OLFML2B: variants seen among roughly 807,000 people sequenced by gnomAD.
OLFML2B encodes olfactomedin like 2B.
OLFML2B carries 57 observed loss-of-function variants against 74.9 expected under a neutral mutation model. The ratio of observed to expected loss-of-function variants is 0.76; its 90% confidence interval spans 0.61 to 0.95. OLFML2B has a LOEUF of 0.95. Among genes scored for constraint, OLFML2B ranks in the 40% least tolerant of loss-of-function variants. The probability of loss-of-function intolerance (pLI) is 0.00; values close to 1 mark genes in which losing one functional copy is unlikely to be tolerated. For missense variants in OLFML2B, 986 were observed against 970.6 expected, an observed-to-expected ratio of 1.02 and a Z score of -0.21; for synonymous variants, 388 against 405.8, an observed-to-expected ratio of 0.96 and a Z score of 0.53.
intron 4 of OLFML2B, among the ~76,000 whole-genome samples, 194 bp from the exon 5 acceptor site, chr1:162,000,532 CA>C (rs1342878286): frequency 3.3e-5 from 5 of 152,180 alleles, no homozygotes; most frequent in Admixed American, 1.3e-4. Context: ...TGAGGTAGGA[CA>C]TATTTTTATC....
chr1:162,003,181 C>CGCCT (rs756981371), intron 4 of OLFML2B, among the ~76,000 whole-genome samples: 28 of 152,276 alleles, frequency 1.8e-4, no homozygotes, highest in South Asian at 4.1e-4. Flanking sequence ...TCCAAAAACT[C>CGCCT]GCCTGCCTGC....
In OLFML2B at chr1:161,983,556, T is replaced by C. The variant is rs1689484940; in HGVS notation, c.*119A>G. ...AATTGTCATTTTACATTTGCAATATTATACAAAATAATATATATTTTTAAA... is the reference window on the plus strand; with the variant it reads ...AATTGTCATTTTACATTTGCAATATCATACAAAATAATATATATTTTTAAA... On this transcript the variant is annotated 3_prime_UTR_variant, in exon 8 of 8. Coordinates refer to ENST00000294794, the MANE Select transcript of OLFML2B (RefSeq NM_015441.3). The C allele has an allele frequency of 8.9e-7, 1 of 1,119,128 alleles. No individual in the cohort carries two copies. The highest frequency in any genetic ancestry group is 1.2e-6 in the Non-Finnish European group (1 of 800,534). The allele number at this position is 1,119,128 out of a possible 1,614,324, so 69.3% of individuals were successfully genotyped here. A position where few individuals can be genotyped will look rare whatever the true frequency, so the allele number is the denominator to read the frequency against.
At chr1:162,020,838 A>G (rs1690683003) in intron 1 of OLFML2B, among the ~76,000 whole-genome samples, 1 of 152,206 alleles carries the variant, frequency 6.6e-6, no homozygotes, top group African/African-American at 2.4e-5. Flanking sequence ...AAGTGTAAAA[A>G]GGAAAAGAAG....
At chr1:161,997,798 G>A in intron 6 of OLFML2B, 27 bp downstream of exon 6, 1 of 1,586,646 alleles carries the variant, frequency 6.3e-7, no homozygotes, top group Non-Finnish European at 8.6e-7. Flanking sequence ...CTGATCAGGA[G>A]ACCAAGGCCA....
In OLFML2B at chr1:161,995,022, T is replaced by C. The variant is rs1689852893; in HGVS notation, c.1474+2803A>G. ...TCTATTTCAGCCAAAAGCTTTTTAA[T>C]TTTACTGATGACTGGGAGATGTCAT... On this transcript the variant is annotated intron_variant, in intron 6 of 7. Transcript: ENST00000294794. Among the ~76,000 whole-genome samples the C allele has an allele frequency of 2.6e-5, 4 of 152,198 alleles. No homozygotes were observed. The South Asian group carries it at 8.3e-4, about 32-fold the overall frequency.
intron 4 of OLFML2B, among the ~76,000 whole-genome samples, chr1:162,002,210 G>C (rs1690098997): frequency 6.6e-6 from 1 of 152,278 alleles, no homozygotes; most frequent in Non-Finnish European, 1.5e-5. Flanking sequence ...TCAGAGAAGT[G>C]TGGGAGCCTG....
intron 2 of OLFML2B, among the ~76,000 whole-genome samples, chr1:162,019,017 T>C (rs370964117): frequency 3.9e-5 from 6 of 152,214 alleles, no homozygotes; most frequent in Non-Finnish European, 5.9e-5. Flanking sequence ...AGTTGTTCCA[T>C]GGCAGAGCTG....
At chr1:161,986,588 A>G (rs1271615710) in intron 6 of OLFML2B, among the ~76,000 whole-genome samples, 1 of 152,324 alleles carries the variant, frequency 6.6e-6, no homozygotes, top group Non-Finnish European at 1.5e-5. Context: ...CTCCCTGCCA[A>G]TGCCTCATTC....
At chr1:161,991,036 G>A (rs1689727614) in intron 6 of OLFML2B, among the ~76,000 whole-genome samples, 2 of 152,174 alleles carry the variant, frequency 1.3e-5, no homozygotes, top group African/African-American at 4.8e-5. Context: ...ACTTCTAATT[G>A]TAGTTTTCTT....
chr1:162,015,481 A>G (rs1690503714), intron 3 of OLFML2B, among the ~76,000 whole-genome samples: 1 of 152,200 alleles, frequency 6.6e-6, no homozygotes, highest in South Asian at 2.1e-4. Context: ...CAGAATGGCA[A>G]CTGTTTGGCT....
At chr1:162,019,861 A>C in intron 2 of OLFML2B, 58 bp downstream of exon 2, 1 of 1,584,526 alleles carries the variant, frequency 6.3e-7, no homozygotes, top group Non-Finnish European at 8.6e-7. Flanking sequence ...GCCTTACCAG[A>C]CTTGTGGATC....
rs770982210 is a variant in OLFML2B, at chr1:161,984,787, G to A, written c.1651+17C>T. The A allele has an allele frequency of 1.9e-6, 3 of 1,611,438 alleles. No homozygotes were observed. Among genetic ancestry groups the A allele is most frequent in the Non-Finnish European group, 1.7e-6 (2 of 1,178,504 alleles). ...GGGAAGGGAAGGAGCAGTCTGGGTTGGATCTTTATCATGTACCTTGTTTGA... is the reference window on the plus strand; with the variant it reads ...GGGAAGGGAAGGAGCAGTCTGGGTTAGATCTTTATCATGTACCTTGTTTGA... On this transcript the variant is annotated intron_variant, in intron 7 of 7. Coordinates refer to ENST00000294794, the MANE Select transcript of OLFML2B (RefSeq NM_015441.3).
intron 6 of OLFML2B, among the ~76,000 whole-genome samples, chr1:161,993,458 G>A (rs765353797): frequency 1.8e-4 from 28 of 152,308 alleles, no homozygotes; most frequent in Non-Finnish European, 3.8e-4. Flanking sequence ...GGCCCCTGCC[G>A]TATCTGTCTT....
chr1:162,018,566 G>C (rs763902189), intron 2 of OLFML2B, among the ~76,000 whole-genome samples: 2 of 152,240 alleles, frequency 1.3e-5, no homozygotes, highest in African/African-American at 2.4e-5. Flanking sequence ...TCTATGGCAA[G>C]CTGCCACAGT....
At chr1:162,003,552 C>T (rs1571299093) in intron 4 of OLFML2B, among the ~76,000 whole-genome samples, 1 of 152,124 alleles carries the variant, frequency 6.6e-6, no homozygotes, top group African/African-American at 2.4e-5. Context: ...GCAGCGGCCC[C>T]CTCCAAGCTT....
intron 6 of OLFML2B, among the ~76,000 whole-genome samples, chr1:161,993,995 A>G (rs1008660742): frequency 2.0e-5 from 3 of 152,234 alleles, no homozygotes; most frequent in Non-Finnish European, 4.4e-5. Flanking sequence ...CTTTATCCTC[A>G]TCAAAAGGCT....
chr1:162,014,550 T>G (rs970827275), intron 3 of OLFML2B, among the ~76,000 whole-genome samples: 1 of 152,230 alleles, frequency 6.6e-6, no homozygotes, highest in African/African-American at 2.4e-5. Context: ...TTCAAGAATA[T>G]TCAAGGACCA....
rs750213891 is a variant in OLFML2B at position 161,998,080 on chromosome 1, C to T, written c.1219G>A (p.Glu407Lys). The change falls in exon 6 of 8, where the codon GAG becomes AAG. Residue 407 changes from glutamate (E) to lysine (K), a missense_variant. Transcript: ENST00000294794. The stretch of plus-strand genomic sequence containing the variant: ...TGAGGAGAAGGCTGCAGGACTGACT[C>T]CCTTGTGGGATCTGGAGACACCGAG... Reference protein sequence around the residue: ...TTSVSPDPTRESVLQPSPQVP... With the variant: ...TTSVSPDPTRKSVLQPSPQVP... 2.5e-6 allele frequency: 4 copies of T among 1,613,860 alleles called. No homozygotes were observed. The highest frequency in any genetic ancestry group is 3.4e-6 in the Non-Finnish European group (4 of 1,180,034).
At chr1:161,995,886 A>T (rs1270082092) in intron 6 of OLFML2B, among the ~76,000 whole-genome samples, 6 of 152,168 alleles carry the variant, frequency 3.9e-5, no homozygotes, top group Non-Finnish European at 4.4e-5. Context: ...GTTCACTTCC[A>T]TGGCAAAGGG....
Sources: allele counts gnomAD v4.1 joint callset (sites outside exome capture counted in the v4.1 genomes callset), GRCh38; gene constraint gnomAD v4.1.1; transcripts MANE v1.5; gene names NCBI Gene and HGNC (gene_info 2026-07-23, HGNC 2026-07-21).